DLGAP2: variants seen among roughly 807,000 people sequenced by gnomAD.
The protein encoded by DLGAP2 is DLG associated protein 2.
In DLGAP2, 26 loss-of-function variants were observed where a neutral mutation model predicts 100.3. The observed-to-expected ratio is 0.26, with a 90% CI of 0.19 to 0.36. The LOEUF (loss-of-function observed/expected upper bound fraction) is 0.36, where lower values mean the gene tolerates loss of function less well. Among genes scored for constraint, DLGAP2 ranks in the 10% least tolerant of loss-of-function variants. The probability of loss-of-function intolerance (pLI) is 1.00; values close to 1 mark genes in which losing one functional copy is unlikely to be tolerated. For synonymous variants in DLGAP2, 886 were observed against 630.1 expected (o/e 1.41, Z -6.08); for missense variants, 1,858 against 1,453.2 (o/e 1.28, Z -4.53).
chr8:765,620 G>C (rs1399530120), intron 1 of DLGAP2, among the ~76,000 whole-genome samples: 1 of 152,130 alleles, frequency 6.6e-6, no homozygotes, highest in Non-Finnish European at 1.5e-5. Context: ...GTGACCCTAG[G>C]GAAAAAATTA....
At chr8:1,551,898 G>A (rs1801780309) in intron 5 of DLGAP2, among the ~76,000 whole-genome samples, 2 of 152,290 alleles carry the variant, frequency 1.3e-5, no homozygotes, top group African/African-American at 4.8e-5. Flanking sequence ...GCTTTTATTT[G>A]AATCAGGATC....
chr8:1,295,749 C>T (rs1279773056), intron 3 of DLGAP2, among the ~76,000 whole-genome samples: 2 of 152,206 alleles, frequency 1.3e-5, no homozygotes, highest in Non-Finnish European at 2.9e-5. Flanking sequence ...TGACGCCGGG[C>T]AGGGGAGCTG....
At chr8:1,086,442 A>G (rs532227039) in intron 2 of DLGAP2, among the ~76,000 whole-genome samples, 37 of 152,240 alleles carry the variant, frequency 2.4e-4, no homozygotes, top group African/African-American at 8.2e-4. Context: ...TTCATTCTAT[A>G]TCTAATTTGT....
chr8:1,378,138 G>A (rs979511830), intron 3 of DLGAP2: 12 of 160,524 alleles, frequency 7.5e-5, no homozygotes, highest in African/African-American at 9.7e-5. Flanking sequence ...CACGTATGCC[G>A]TATGTCTGAC....
chr8:1,195,817 C>A (rs1797738171), intron 2 of DLGAP2, among the ~76,000 whole-genome samples: 2 of 152,186 alleles, frequency 1.3e-5, no homozygotes, highest in Admixed American at 1.3e-4. Context: ...GTGACCTGCT[C>A]CGAGGCCTTG....
chr8:1,434,815 T>C (rs1412311764), intron 3 of DLGAP2, among the ~76,000 whole-genome samples: 1 of 152,156 alleles, frequency 6.6e-6, no homozygotes, highest in Non-Finnish European at 1.5e-5. Context: ...TCCGTGAACA[T>C]GAGTAACATG....
intron 2 of DLGAP2, among the ~76,000 whole-genome samples, chr8:1,187,265 A>G (rs1797525377): frequency 6.6e-6 from 1 of 151,284 alleles, no homozygotes; most frequent in Middle Eastern, 3.4e-3. Context: ...CACACACGGG[A>G]CCTCTGTGAC....
At chr8:1,471,759 T>C (rs1283853628) in intron 3 of DLGAP2, among the ~76,000 whole-genome samples, 2 of 152,214 alleles carry the variant, frequency 1.3e-5, no homozygotes, top group African/African-American at 4.8e-5. Context: ...GAATTCACCC[T>C]TGCTACTCCC....
At chr8:740,913 T>A (rs561903061) in intron 1 of DLGAP2, among the ~76,000 whole-genome samples, 1 of 152,308 alleles carries the variant, frequency 6.6e-6, no homozygotes, top group South Asian at 2.1e-4. Flanking sequence ...TAAAAATAAC[T>A]ATGATTCATC....
At chr8:1,127,800 A>G (rs1796202233) in intron 2 of DLGAP2, among the ~76,000 whole-genome samples, 1 of 152,200 alleles carries the variant, frequency 6.6e-6, no homozygotes, top group Non-Finnish European at 1.5e-5. Flanking sequence ...GTGAAGTAGA[A>G]AGGCTGGAGG....
intron 6 of DLGAP2, among the ~76,000 whole-genome samples, chr8:1,574,720 T>C (rs112248447): frequency 0.012 from 1,866 of 152,326 alleles, 26 homozygotes; most frequent in African/African-American, 0.034. Flanking sequence ...TAAAGTTGGT[T>C]GACCCACATT....
At position 1,058,211 on chromosome 8, in the gene DLGAP2, G is replaced by C. The variant is rs538603540; in HGVS notation, c.73+150245G>C. Among the ~76,000 whole-genome samples the C allele has an allele frequency of 3.3e-5, 5 of 152,202 alleles. No homozygotes were observed. The East Asian group carries it at 9.7e-4, about 29-fold the overall frequency. On this transcript the variant is annotated intron_variant, in intron 2 of 14. Transcript: ENST00000637795. ...AGCGGCGGGTCTGGGGGTGTGGCCG[G>C]ATTGACTAGCAGTGAGTCTTGATTT...
At chr8:989,113 T>G (rs1800575296) in intron 2 of DLGAP2, among the ~76,000 whole-genome samples, 1 of 152,206 alleles carries the variant, frequency 6.6e-6, no homozygotes, top group South Asian at 2.1e-4. Flanking sequence ...ACGACCGCAG[T>G]GCAGTCCCAG....
chr8:855,785 G>A (rs1205784832), intron 1 of DLGAP2, among the ~76,000 whole-genome samples: 3 of 152,172 alleles, frequency 2.0e-5, no homozygotes, highest in African/African-American at 7.2e-5. Context: ...GCATCAGCAG[G>A]CTAAAGAAGA....
chr8:1,190,949 C>G (rs1032432410), intron 2 of DLGAP2, among the ~76,000 whole-genome samples: 1 of 152,126 alleles, frequency 6.6e-6, no homozygotes, highest in African/African-American at 2.4e-5. Context: ...GTGCGACATC[C>G]CCAGCAGCGC....
chr8:880,032 T>A (rs1052629973), intron 1 of DLGAP2, among the ~76,000 whole-genome samples: 2 of 152,126 alleles, frequency 1.3e-5, no homozygotes, highest in African/African-American at 4.8e-5. Context: ...AATGTAGAGG[T>A]CTTCAGGAAA....
chr8:1,506,497 T>C (rs1255412007), intron 4 of DLGAP2, among the ~76,000 whole-genome samples: 1 of 152,092 alleles, frequency 6.6e-6, no homozygotes, highest in African/African-American at 2.4e-5. Flanking sequence ...ATCTTCGCGG[T>C]GAGTGTTGCA....
At chr8:791,420 A>G (rs995680672) in intron 1 of DLGAP2, among the ~76,000 whole-genome samples, 1 of 152,188 alleles carries the variant, frequency 6.6e-6, no homozygotes, top group Non-Finnish European at 1.5e-5. Flanking sequence ...TGTTCTAAAA[A>G]ATATTGTAGA....
chr8:1,361,234 G>A (rs1304861319), intron 3 of DLGAP2, among the ~76,000 whole-genome samples: 2 of 152,178 alleles, frequency 1.3e-5, no homozygotes, highest in African/African-American at 4.8e-5. Context: ...CCTGCGGCAA[G>A]GTGACTCCCC....
Sources: allele counts gnomAD v4.1 joint callset (sites outside exome capture counted in the v4.1 genomes callset), GRCh38; gene constraint gnomAD v4.1.1; transcripts MANE v1.5; gene names NCBI Gene and HGNC (gene_info 2026-07-23, HGNC 2026-07-21).